SEMA4D: variants seen among roughly 807,000 people sequenced by gnomAD.
SEMA4D encodes the protein semaphorin-4D.
In SEMA4D, 22 loss-of-function variants were observed where a neutral mutation model predicts 74.8. The observed-to-expected ratio is 0.29, with a 90% confidence interval of 0.21 to 0.42. SEMA4D has a LOEUF of 0.42. Ranked by LOEUF, SEMA4D falls within the 10% of genes least tolerant of loss-of-function variation. SEMA4D has a pLI of 1.00. For missense variants in SEMA4D, 937 were observed against 1,118.4 expected, an observed-to-expected ratio of 0.84 and a Z score of 2.31; for synonymous variants, 445 against 463.7, an observed-to-expected ratio of 0.96 and a Z score of 0.52.
intron 2 of SEMA4D, among the ~76,000 whole-genome samples, chr9:89,429,009 T>G (rs1391234161): frequency 6.7e-6 from 1 of 149,986 alleles, no homozygotes; most frequent in Admixed American, 6.6e-5. Context: ...GTGGGGGGGG[T>G]CTCCCCTTCC....
chr9:89,382,197 GC>G (rs1244814847), intron 13 of SEMA4D, among the ~76,000 whole-genome samples: 1 of 152,210 alleles, frequency 6.6e-6, no homozygotes, highest in Non-Finnish European at 1.5e-5. Flanking sequence ...GAAGGAGGGT[GC>G]CCCACATGCA....
At chr9:89,414,859 A>G (rs1845365447) in intron 2 of SEMA4D, among the ~76,000 whole-genome samples, 1 of 147,976 alleles carries the variant, frequency 6.8e-6, no homozygotes, top group South Asian at 2.1e-4. Flanking sequence ...GGGGCAAGCG[A>G]GCCACAGCCA....
rs925523311 is a variant in SEMA4D at position 89,401,254 on chromosome 9, G to A, written c.252+1617C>T. Among the ~76,000 whole-genome samples, 6 of 152,024 alleles carry A rather than the reference G, an allele frequency of 3.9e-5. No individual in the cohort carries two copies. In the South Asian group the frequency reaches 1.0e-3, roughly 26 times the overall value. On this transcript the variant is annotated intron_variant, in intron 4 of 15. Coordinates refer to ENST00000422704, the MANE Select transcript of SEMA4D (RefSeq NM_001371194.2). ...GCAGTTTTTGTAGAGAAAGGGTTTC[G>A]CCATGTTGCCCAGGCTGGTCTCAAA...
chr9:89,381,262 C>A lies in SEMA4D; in HGVS notation c.1531G>T (p.Asp511Tyr). 1.3e-6 allele frequency: 2 copies of A among 1,598,450 alleles called. No individual in the cohort carries two copies. The highest frequency in any genetic ancestry group is 2.2e-5 in the South Asian group (2 of 89,878). Reference sequence around the variant, plus strand: ...TAGGGGTCCCGCGCCAGCACACAGTCCTCGCAGGTGCCGTGCTTCCCACAG... The same window carrying A: ...TAGGGGTCCCGCGCCAGCACACAGTACTCGCAGGTGCCGTGCTTCCCACAG... ...AFCGKHGTCE[D>Y]CVLARDPYCA... The change falls in exon 14 of 16, where the codon GAC becomes TAC. Residue 511 changes from aspartate to tyrosine, a missense_variant. Asp to Tyr is a radical substitution (Grantham distance 160). Transcript: ENST00000422704. The surrounding 1 kb of genome is among the most constrained non-coding windows in gnomAD (Gnocchi z 4.6).
chr9:89,387,928 C>T (rs528902483), intron 11 of SEMA4D, among the ~76,000 whole-genome samples: 2 of 152,350 alleles, frequency 1.3e-5, no homozygotes, highest in South Asian at 2.1e-4. Flanking sequence ...TGATTTGCAG[C>T]TTTCTCATGA....
At chr9:89,382,178 A>G (rs867015174) in intron 13 of SEMA4D, among the ~76,000 whole-genome samples, 1 of 152,128 alleles carries the variant, frequency 6.6e-6, no homozygotes, top group African/African-American at 2.4e-5. Context: ...TTTGAACGGA[A>G]CTCAGCTGGA....
chr9:89,462,980 G>GAGCA (rs1381709389), intron 1 of SEMA4D, among the ~76,000 whole-genome samples: 1 of 148,044 alleles, frequency 6.8e-6, no homozygotes. Context: ...GGAGGGGAGC[G>GAGCA]AGGGAGAAAG....
intron 16 of SEMA4D, chr9:89,364,162 C>T: frequency 3.1e-6 from 3 of 977,632 alleles, no homozygotes; most frequent in Non-Finnish European, 4.4e-6. Context: ...ACTTCCTGCT[C>T]TTTGACCTTA....
intron 2 of SEMA4D, among the ~76,000 whole-genome samples, chr9:89,420,267 C>A (rs1323577764): frequency 2.0e-5 from 3 of 152,180 alleles, no homozygotes; most frequent in Non-Finnish European, 2.9e-5. Context: ...CCTACACATA[C>A]ACGGTTTGTT....
At chr9:89,483,750 G>C (rs924716161) in intron 1 of SEMA4D, among the ~76,000 whole-genome samples, 1 of 152,124 alleles carries the variant, frequency 6.6e-6, no homozygotes, top group Non-Finnish European at 1.5e-5. Context: ...GTGTGTGTGC[G>C]TGTGCTGCCT....
At chr9:89,403,135 C>CATGTCTCG in intron 3 of SEMA4D, 119 bp from the exon 4 acceptor site, 1 of 1,219,084 alleles carries the variant, frequency 8.2e-7, no homozygotes. Flanking sequence ...TGGGTGCAGT[C>CATGTCTCG]ATGTCTCGAG....
At chr9:89,442,040 G>A (rs1244524739) in intron 2 of SEMA4D, among the ~76,000 whole-genome samples, 1 of 152,252 alleles carries the variant, frequency 6.6e-6, no homozygotes, top group Non-Finnish European at 1.5e-5. Context: ...GTTCATGGAT[G>A]TGTAGACCAG....
chr9:89,383,206 G>A (rs7469476), intron 13 of SEMA4D, among the ~76,000 whole-genome samples: 49,205 of 151,996 alleles, frequency 0.32, 8,177 homozygotes, highest in Middle Eastern at 0.37. Flanking sequence ...GTCTGTCCCT[G>A]CAAATAAGCA....
chr9:89,443,017 G>A (rs1851999290), intron 2 of SEMA4D, among the ~76,000 whole-genome samples: 1 of 152,180 alleles, frequency 6.6e-6, no homozygotes, highest in Non-Finnish European at 1.5e-5. Flanking sequence ...GCAGCAGGAG[G>A]GCCCCCTGCA....
chr9:89,374,413 G>A (rs1835511583), downstream of SEMA4D, among the ~76,000 whole-genome samples: 1 of 152,222 alleles, frequency 6.6e-6, no homozygotes, highest in African/African-American at 2.4e-5. Flanking sequence ...CTTCAAGTAG[G>A]ACCTCCAGCA....
At position 89,399,357 on chromosome 9, in the gene SEMA4D, T is replaced by G. The variant is rs114502127; in HGVS notation, c.253-19A>C. 3,789 of 1,564,338 alleles carry G rather than the reference T, an allele frequency of 2.4e-3. 86 individuals are homozygous for G. In the African/African-American group the frequency reaches 0.045, roughly 18 times the overall value. ...AATACACCTGTTGGGATAGAGTCCA[T>G]ATCAGTGCATATTCTTTTAAAGAGA... On this transcript the variant is annotated intron_variant, in intron 4 of 15. Transcript: ENST00000422704.
intron 13 of SEMA4D, chr9:89,385,380 G>A (rs1838214229): frequency 2.0e-6 from 2 of 985,404 alleles, no homozygotes; most frequent in Non-Finnish European, 2.4e-6. Context: ...CAGCACGATG[G>A]CCCCAGAAGA....
chr9:89,476,298 A>T (rs1202481685), intron 1 of SEMA4D, among the ~76,000 whole-genome samples: 1 of 152,212 alleles, frequency 6.6e-6, no homozygotes, highest in Non-Finnish European at 1.5e-5. Flanking sequence ...ATAGCATGCC[A>T]CGGGGCCCGT....
rs1311515393 is a variant in SEMA4D, at chr9:89,391,291, C to G, written c.747G>C (p.Leu249=). The G allele has an allele frequency of 5.6e-6, 9 of 1,614,122 alleles. No individual in the cohort carries two copies. The highest frequency in any genetic ancestry group is 1.6e-4 in the Middle Eastern group (1 of 6,084). ...TGCACACTCTTGCTATCCGTGGGAT[C>G]AGCACCCTGAACACAAACTCATACT... ...SVEYEFVFRV[L]IPRIARVCKG... The change falls in exon 9 of 16, where the codon CTG becomes CTC. Residue 249 remains leucine, a synonymous_variant. Transcript: ENST00000422704.
Sources: gnomAD v4.1 joint callset for allele counts (sites outside exome capture counted in the v4.1 genomes callset) on GRCh38, gnomAD v4.1.1 for gene constraint, Gnocchi (gnomAD v3.1) non-coding constraint, MANE v1.5 for transcripts, NCBI Gene and HGNC (gene_info 2026-07-23, HGNC 2026-07-21) for gene names.